The following NALF1 variants were observed in gnomAD, a reference collection of about 807,000 sequenced individuals.
NALF1 encodes the protein family with sequence similarity 155 member A.
NALF1 carries 3 observed loss-of-function variants against 48.4 expected under a neutral mutation model. The observed-to-expected ratio is 0.06, with a 90% CI of 0.03 to 0.16. The LOEUF (loss-of-function observed/expected upper bound fraction) is 0.16. NALF1 is among the 10% of genes least tolerant of loss of function. The probability of loss-of-function intolerance (pLI) is 1.00; values close to 1 mark genes in which losing one functional copy is unlikely to be tolerated. For missense variants in NALF1, 526 were observed against 571.5 expected (o/e 0.92, Z 0.81); for synonymous variants, 262 against 245.7 (o/e 1.07, Z -0.62).
At chr13:107,257,220 A>T (rs1880834613) in intron 1 of NALF1, among the ~76,000 whole-genome samples, 1 of 152,124 alleles carries the variant, frequency 6.6e-6, no homozygotes, top group South Asian at 2.1e-4. Context: ...ACATGTGGGG[A>T]TTACAATTCG....
intron 1 of NALF1, among the ~76,000 whole-genome samples, chr13:107,287,956 C>T (rs1290154884): frequency 6.6e-6 from 1 of 151,982 alleles, no homozygotes; most frequent in Non-Finnish European, 1.5e-5. Flanking sequence ...GATCCACCCA[C>T]CTTGGCCTCC....
Position 107,829,221 on chromosome 13 carries a change from G to C in NALF1, c.915+36461C>G, listed in dbSNP as rs74112661. Among the ~76,000 whole-genome samples, 359 of 152,288 alleles carry C rather than the reference G, an allele frequency of 2.4e-3. 2 individuals carry two copies. The highest frequency in any genetic ancestry group is 7.7e-3 in the African/African-American group (320 of 41,568). ...TGAGAATGACATGGATGTGAAATAA[G>C]TATACCCCTACATCCAGCTTCCATA... On this transcript the variant is annotated intron_variant, in intron 1 of 2. Transcript: ENST00000375915.
rs1406520973 is a variant in NALF1 at position 107,167,023 on chromosome 13, T to C, written c.*3474A>G. 1 of 152,196 alleles carries C rather than the reference T, an allele frequency of 6.6e-6. No individual in the cohort carries two copies. Among genetic ancestry groups the C allele is most frequent in the Non-Finnish European group, 1.5e-5 (1 of 68,040 alleles). 9.4% of individuals were successfully genotyped at this position (152,196 alleles called of 1,614,324 possible). On this transcript the variant is annotated 3_prime_UTR_variant, in exon 3 of 3. Transcript: ENST00000375915. ...GTTCAATATAACGTATCACCAAATG[T>C]AAATGCAATAAAGAATGACATTGAA... is the stretch of plus-strand genomic sequence containing the variant.
chr13:107,857,953 A>G (rs9559176), intron 1 of NALF1, among the ~76,000 whole-genome samples: 2,980 of 152,316 alleles, frequency 0.02, 71 homozygotes, highest in South Asian at 0.1. Context: ...ACTCTGCCAT[A>G]TTGAAATTAT....
intron 1 of NALF1, among the ~76,000 whole-genome samples, chr13:107,611,675 G>T (rs570400282): frequency 6.6e-6 from 1 of 151,968 alleles, no homozygotes; most frequent in East Asian, 2.0e-4. Flanking sequence ...GAGGCCAGGA[G>T]TTCAAGACCA....
At chr13:107,545,004 C>T (rs564161899) in intron 1 of NALF1, among the ~76,000 whole-genome samples, 3 of 152,246 alleles carry the variant, frequency 2.0e-5, no homozygotes, top group African/African-American at 7.2e-5. Context: ...GGAACACACA[C>T]AGTTTTGTTC....
At chr13:107,457,960 C>T (rs1356208800) in intron 1 of NALF1, among the ~76,000 whole-genome samples, 2 of 152,066 alleles carry the variant, frequency 1.3e-5, no homozygotes, top group Non-Finnish European at 2.9e-5. Context: ...TGGTTTAGAC[C>T]ACATTGATTA....
At chr13:107,325,907 C>CAG (rs1555332575) in intron 1 of NALF1, among the ~76,000 whole-genome samples, 1 of 128,524 alleles carries the variant, frequency 7.8e-6, no homozygotes, top group Admixed American at 8.0e-5. Context: ...CACACACACA[C>CAG]ATATATACAT....
chr13:107,660,605 T>C (rs1271271610), intron 1 of NALF1, among the ~76,000 whole-genome samples: 1 of 152,130 alleles, frequency 6.6e-6, no homozygotes, highest in Non-Finnish European at 1.5e-5. Context: ...TCTGAGAAAA[T>C]TATCAAATCT....
intron 1 of NALF1, among the ~76,000 whole-genome samples, chr13:107,684,676 A>G (rs1050952570): frequency 1.3e-5 from 2 of 152,210 alleles, no homozygotes; most frequent in African/African-American, 4.8e-5. Context: ...TTGGAAAGAC[A>G]TGAAAAAAAC....
intron 1 of NALF1, among the ~76,000 whole-genome samples, chr13:107,300,862 T>G (rs895271878): frequency 6.6e-6 from 1 of 152,218 alleles, no homozygotes; most frequent in Non-Finnish European, 1.5e-5. Flanking sequence ...TGTTAATTTA[T>G]TTCAATAAAT....
chr13:107,501,466 A>G (rs561398239), intron 1 of NALF1, among the ~76,000 whole-genome samples: 1 of 152,292 alleles, frequency 6.6e-6, no homozygotes, highest in African/African-American at 2.4e-5. Context: ...AAGCTGCTGG[A>G]GCAGCAAATA....
chr13:107,384,171 T>A (rs568476612), intron 1 of NALF1, among the ~76,000 whole-genome samples: 1 of 152,280 alleles, frequency 6.6e-6, no homozygotes, highest in East Asian at 1.9e-4. Context: ...AAGGATCACT[T>A]GAGCCCAGGA....
intron 1 of NALF1, among the ~76,000 whole-genome samples, chr13:107,520,699 C>T (rs763489339): frequency 2.6e-5 from 4 of 152,280 alleles, no homozygotes; most frequent in East Asian, 1.9e-4. Flanking sequence ...CACTGGTGGA[C>T]GAACTCTTCC....
intron 1 of NALF1, among the ~76,000 whole-genome samples, chr13:107,270,368 C>G (rs1173919332): frequency 6.6e-6 from 1 of 151,990 alleles, no homozygotes; most frequent in Non-Finnish European, 1.5e-5. Flanking sequence ...ATAGGAAAAA[C>G]TATACATTTT....
intron 1 of NALF1, among the ~76,000 whole-genome samples, chr13:107,441,638 T>C (rs1197958717): frequency 6.6e-6 from 1 of 152,188 alleles, no homozygotes; most frequent in Non-Finnish European, 1.5e-5. Flanking sequence ...ATTTATTGAA[T>C]GTGAGACGTC....
intron 1 of NALF1, among the ~76,000 whole-genome samples, chr13:107,315,971 A>C (rs1324091503): frequency 1.3e-5 from 2 of 151,986 alleles, no homozygotes; most frequent in Admixed American, 1.3e-4. Flanking sequence ...ATATGTATAC[A>C]TGTGCCATGT....
At chr13:107,772,248 T>C (rs1231616107) in intron 1 of NALF1, among the ~76,000 whole-genome samples, 1 of 152,062 alleles carries the variant, frequency 6.6e-6, no homozygotes, top group Non-Finnish European at 1.5e-5. Context: ...AATAAACTTG[T>C]TTTTACTTTG....
chr13:107,283,714 C>T (rs1452227014), intron 1 of NALF1, among the ~76,000 whole-genome samples: 1 of 151,756 alleles, frequency 6.6e-6, no homozygotes, highest in Non-Finnish European at 1.5e-5. Flanking sequence ...GGCTGGAGTG[C>T]AGTGGCGCAA....
Sources: allele counts gnomAD v4.1 joint callset (sites outside exome capture counted in the v4.1 genomes callset), GRCh38; gene constraint gnomAD v4.1.1; transcripts MANE v1.5; gene names NCBI Gene and HGNC (gene_info 2026-07-23, HGNC 2026-07-21).